GPC5: variants seen among roughly 807,000 people sequenced by gnomAD.
GPC5 encodes glypican-5.
In GPC5, 47 loss-of-function variants were observed where a neutral mutation model predicts 53.9. That is an observed-to-expected ratio of 0.87 (90% CI 0.69 to 1.11). GPC5 has a LOEUF of 1.11. Among genes scored for constraint, GPC5 ranks in the 50% most tolerant of loss-of-function variants. The probability of loss-of-function intolerance (pLI) is 0.00; values close to 1 mark genes in which losing one functional copy is unlikely to be tolerated. For missense variants in GPC5, 748 were observed against 713.1 expected (o/e 1.05, Z -0.56); for synonymous variants, 286 against 263.3 (o/e 1.09, Z -0.84).
At chr13:92,432,861 T>C (rs987919374) in intron 7 of GPC5, among the ~76,000 whole-genome samples, 2 of 152,132 alleles carry the variant, frequency 1.3e-5, no homozygotes, top group African/African-American at 4.8e-5. Context: ...TCCTTTTGTA[T>C]GTGTAGGACT....
chr13:91,923,114 ACAAT>A lies in GPC5; in HGVS notation c.1401+15075_1401+15078del, dbSNP rs141366239. On this transcript the variant is annotated intron_variant, in intron 6 of 7. Coordinates refer to ENST00000377067, the MANE Select transcript of GPC5 (RefSeq NM_004466.6). The stretch of plus-strand genomic sequence containing the variant: ...CTAGTTACCCTAAGGTTGAGTATGC[ACAAT>A]CAATCAATCAATCAATCTCTCTATC... Among the ~76,000 whole-genome samples, 1,096 of 152,240 alleles carry A rather than the reference ACAAT, an allele frequency of 7.2e-3. 11 individuals carry two copies. Among genetic ancestry groups the A allele is most frequent in the African/African-American group, 0.024 (1,017 of 41,540 alleles).
intron 7 of GPC5, among the ~76,000 whole-genome samples, chr13:92,634,511 C>T (rs1043840629): frequency 6.6e-6 from 1 of 151,998 alleles, no homozygotes; most frequent in Non-Finnish European, 1.5e-5. Flanking sequence ...GTATTCGATT[C>T]TTTCTCCAAT....
intron 7 of GPC5, among the ~76,000 whole-genome samples, chr13:92,486,968 G>C (rs1418497789): frequency 1.3e-5 from 2 of 151,890 alleles, no homozygotes; most frequent in South Asian, 4.1e-4. Flanking sequence ...AGATTCTCCT[G>C]TCTCAGCCTC....
At chr13:92,524,097 T>C (rs2138973960) in intron 7 of GPC5, among the ~76,000 whole-genome samples, 1 of 152,216 alleles carries the variant, frequency 6.6e-6, no homozygotes. Flanking sequence ...AATGATAAAG[T>C]TTGCCACATC....
intron 6 of GPC5, among the ~76,000 whole-genome samples, chr13:92,039,475 G>A (rs2040924832): frequency 6.6e-6 from 1 of 152,140 alleles, no homozygotes; most frequent in Non-Finnish European, 1.5e-5. Flanking sequence ...CTCATTTAAT[G>A]TCTCTGTAAA....
intron 6 of GPC5, among the ~76,000 whole-genome samples, chr13:91,958,422 C>A (rs1157814680): frequency 1.3e-5 from 2 of 151,980 alleles, no homozygotes; most frequent in Non-Finnish European, 2.9e-5. Context: ...GACTCCACTA[C>A]AATAATAGTT....
intron 7 of GPC5, among the ~76,000 whole-genome samples, chr13:92,476,128 T>C (rs1879117547): frequency 6.6e-6 from 1 of 152,018 alleles, no homozygotes; most frequent in Non-Finnish European, 1.5e-5. Context: ...GGGAGAAAAT[T>C]TTTGCAACCT....
intron 7 of GPC5, among the ~76,000 whole-genome samples, chr13:92,203,418 A>T (rs534568772): frequency 5.2e-5 from 7 of 135,044 alleles, no homozygotes; most frequent in Admixed American, 7.9e-5. Flanking sequence ...ATTCTCACTC[A>T]TAGGTGGGAA....
intron 1 of GPC5, among the ~76,000 whole-genome samples, chr13:91,425,453 T>C (rs1878971791): frequency 6.6e-6 from 1 of 152,152 alleles, no homozygotes; most frequent in Admixed American, 6.5e-5. Context: ...GTTTCCCCCA[T>C]GCTCTTCTCA....
chr13:92,486,672 A>G (rs1879566028), intron 7 of GPC5, among the ~76,000 whole-genome samples: 1 of 152,242 alleles, frequency 6.6e-6, no homozygotes, highest in Non-Finnish European at 1.5e-5. Context: ...GAGAATATAA[A>G]GATCACTGTT....
At chr13:92,793,468 A>T (rs907713803) in intron 7 of GPC5, among the ~76,000 whole-genome samples, 2 of 152,166 alleles carry the variant, frequency 1.3e-5, no homozygotes, top group African/African-American at 2.4e-5. Context: ...CATCACAATT[A>T]AAAGAACTAG....
intron 7 of GPC5, among the ~76,000 whole-genome samples, chr13:92,254,272 G>A (rs1418226362): frequency 6.6e-6 from 1 of 152,122 alleles, no homozygotes; most frequent in Non-Finnish European, 1.5e-5. Context: ...AGTGCTGGTG[G>A]CACTGACATT....
chr13:92,608,377 T>G (rs1220769612), intron 7 of GPC5, among the ~76,000 whole-genome samples: 2 of 152,194 alleles, frequency 1.3e-5, no homozygotes, highest in Non-Finnish European at 2.9e-5. Context: ...AATATGCTAC[T>G]TCTTCCTCCA....
chr13:92,695,616 T>C (rs1594426631), intron 7 of GPC5, among the ~76,000 whole-genome samples: 1 of 152,150 alleles, frequency 6.6e-6, no homozygotes, highest in Non-Finnish European at 1.5e-5. Context: ...GGGAATGCCC[T>C]AAAATAATTA....
intron 7 of GPC5, among the ~76,000 whole-genome samples, chr13:92,426,577 TAATC>T: frequency 6.6e-6 from 1 of 152,106 alleles, no homozygotes. Context: ...ACAAAATGCA[TAATC>T]AAAGTGTTCA....
chr13:92,183,903 A>G (rs1156625262), intron 7 of GPC5, among the ~76,000 whole-genome samples: 10 of 151,968 alleles, frequency 6.6e-5, no homozygotes, highest in Admixed American at 2.6e-4. Context: ...TAGTTTACCA[A>G]TTTTCTCTTT....
At chr13:92,311,941 A>G (rs187759149) in intron 7 of GPC5, among the ~76,000 whole-genome samples, 1 of 152,240 alleles carries the variant, frequency 6.6e-6, no homozygotes, top group East Asian at 1.9e-4. Flanking sequence ...ATGTGTGAAG[A>G]CCCTCGAAAG....
At chr13:92,314,916 A>C (rs909562327) in intron 7 of GPC5, among the ~76,000 whole-genome samples, 7 of 152,086 alleles carry the variant, frequency 4.6e-5, no homozygotes, top group Non-Finnish European at 1.5e-5. Flanking sequence ...CTGAGACTAC[A>C]GGCATGTGCC....
chr13:92,010,338 T>C (rs117229373), intron 6 of GPC5, among the ~76,000 whole-genome samples: 5,713 of 152,310 alleles, frequency 0.038, 149 homozygotes, highest in Middle Eastern at 0.061. Context: ...TGTTGTTTTC[T>C]AATATGTAGG....
Sources: allele counts gnomAD v4.1 joint callset (sites outside exome capture counted in the v4.1 genomes callset), GRCh38; gene constraint gnomAD v4.1.1; transcripts MANE v1.5; gene names NCBI Gene and HGNC (gene_info 2026-07-23, HGNC 2026-07-21).